Variants in ANKRD17 observed in about 807,000 individuals in gnomAD.
ANKRD17 encodes ankyrin repeat domain-containing protein 17.
Under a neutral mutation model 229.7 loss-of-function variants are expected in ANKRD17, and 19 were observed. That is an observed-to-expected ratio of 0.08 (90% confidence interval 0.06 to 0.12). The LOEUF is 0.12. Among genes scored for constraint, ANKRD17 ranks in the 10% least tolerant of loss-of-function variants. The pLI is 1.00. For synonymous variants in ANKRD17, 1,112 were observed against 1,146.1 expected (o/e 0.97, Z 0.60); for missense variants, 2,176 against 3,176.8 (o/e 0.68, Z 7.57).
intron 3 of ANKRD17, among the ~76,000 whole-genome samples, chr4:73,159,453 G>A (rs1006192585): frequency 1.1e-4 from 16 of 152,168 alleles, no homozygotes; most frequent in African/African-American, 2.7e-4. Flanking sequence ...ACTTGTGGGC[G>A]AAGGGCATAT....
Position 73,140,074 on chromosome 4 carries a change from T to C in ANKRD17, c.2542A>G (p.Ile848Val). The part of the protein sequence containing the change: ...AHADQLTKEK[I>V]EELNKTREEQ... ...TCCCTTGTTTTGTTGAGCTCCTCGATCTTCTCCTTGGTAAGTTGGTCAGCA... is the reference window on the plus strand; with the variant it reads ...TCCCTTGTTTTGTTGAGCTCCTCGACCTTCTCCTTGGTAAGTTGGTCAGCA... The change falls in exon 15 of 34, where the codon ATC (isoleucine) becomes GTC (valine). Residue 848 changes from isoleucine (I) to valine (V), a missense_variant. By Grantham distance (29) the Ile-to-Val change is conservative (BLOSUM62 3). This residue lies in a region of ANKRD17 where 275 missense variants were observed against 386.9 expected (regional missense o/e 0.71). Transcript: ENST00000358602. 1.2e-6 allele frequency: 2 copies of C among 1,614,228 alleles called. No individual in the cohort carries two copies. Among genetic ancestry groups the C allele is most frequent in the Non-Finnish European group, 1.7e-6 (2 of 1,180,046 alleles).
rs1282796628 is a variant in ANKRD17, at chr4:73,177,377, T to C, written c.547+3A>G. 1.4e-5 allele frequency: 23 copies of C among 1,606,590 alleles called. No homozygotes were observed. The highest frequency in any genetic ancestry group is 1.7e-5 in the Non-Finnish European group (20 of 1,175,226). ...TAGACTTATTACTATGTAGAGTACA[T>C]ACCTGCAGCTTCTAGTAAAGCTTCC... On this transcript the variant is annotated splice_donor_region_variant and intron_variant, in intron 2 of 33. Coordinates refer to ENST00000358602, the MANE Select transcript of ANKRD17 (RefSeq NM_032217.5).
At chr4:73,201,967 T>A (rs1056274927) in intron 1 of ANKRD17, among the ~76,000 whole-genome samples, 3 of 152,106 alleles carry the variant, frequency 2.0e-5, no homozygotes, top group Non-Finnish European at 4.4e-5. Context: ...TTCTATTGAG[T>A]ACATATTACA....
At chr4:73,207,526 A>G (rs1036191756) in intron 1 of ANKRD17, among the ~76,000 whole-genome samples, 6 of 152,200 alleles carry the variant, frequency 3.9e-5, no homozygotes, top group South Asian at 2.1e-4. Context: ...GCTGTCTACA[A>G]GAAACATACT....
rs576489396 is a variant in ANKRD17 at position 73,126,089 on chromosome 4, A to AG, written c.3235-778_3235-777insC. Among the ~76,000 whole-genome samples, 221 of 152,318 alleles carry AG rather than the reference A, an allele frequency of 1.5e-3. 1 individual carries two copies. In the South Asian group the frequency reaches 0.016, roughly 11 times the overall value. On this transcript the variant is annotated intron_variant, in intron 16 of 33. Coordinates refer to ENST00000358602, the MANE Select transcript of ANKRD17 (RefSeq NM_032217.5). ...TAGTGCAAGGAGCAAGTATCCAAACAACCTGGCAGTCTCCCCAACTTGAGA... is the reference window on the plus strand; with the variant it reads ...TAGTGCAAGGAGCAAGTATCCAAACAGACCTGGCAGTCTCCCCAACTTGAGA...
chr4:73,117,416 A>T (rs1446496864), intron 22 of ANKRD17, among the ~76,000 whole-genome samples: 1 of 152,226 alleles, frequency 6.6e-6, no homozygotes, highest in African/African-American at 2.4e-5. Flanking sequence ...GGGGAGACAC[A>T]GAAAGGTTCT....
Position 73,140,003 on chromosome 4 carries a change from T to C in ANKRD17, c.2613A>G (p.Lys871=), listed in dbSNP as rs1228093891. Residue 871 remains lysine, a synonymous_variant, in exon 15 of 34, where the codon AAA becomes AAG. Transcript: ENST00000358602. ...TTTTCAGTTGTAACTCTCGTTCTAC[T>C]TTCTGTAGTTCCTCCAAAATCTTTT... ...KKQKILEELQ[K]VERELQLKTQ... is the part of the protein sequence containing the mutation. The C allele has an allele frequency of 1.9e-6, 3 of 1,614,124 alleles. No individual in the cohort carries two copies. Among genetic ancestry groups the C allele is most frequent in the Non-Finnish European group, 2.5e-6 (3 of 1,180,046 alleles).
intron 1 of ANKRD17, among the ~76,000 whole-genome samples, chr4:73,248,405 C>A (rs1043099910): frequency 6.6e-6 from 1 of 152,040 alleles, no homozygotes; most frequent in South Asian, 2.1e-4. Flanking sequence ...AGGATTTATA[C>A]GGGGCTAAAA....
intron 29 of ANKRD17, among the ~76,000 whole-genome samples, chr4:73,085,725 T>C (rs1017965458): frequency 6.7e-6 from 1 of 149,422 alleles, no homozygotes; most frequent in Admixed American, 6.7e-5. Context: ...TGGTGGTTCA[T>C]GCCTATAATC....
intron 1 of ANKRD17, among the ~76,000 whole-genome samples, chr4:73,234,316 A>G (rs1261462437): frequency 2.6e-5 from 4 of 152,206 alleles, no homozygotes; most frequent in Admixed American, 6.5e-5. Context: ...TGCAACTATG[A>G]TTAAACATTA....
At chr4:73,087,615 G>C (rs1263923900) in intron 29 of ANKRD17, among the ~76,000 whole-genome samples, 1 of 152,156 alleles carries the variant, frequency 6.6e-6, no homozygotes, top group Non-Finnish European at 1.5e-5. Context: ...TTGAGTCTTG[G>C]ATCAAATGGC....
intron 23 of ANKRD17, among the ~76,000 whole-genome samples, chr4:73,114,944 G>A (rs16849172): frequency 0.13 from 20,363 of 152,128 alleles, 1,483 homozygotes; most frequent in South Asian, 0.19. Context: ...TCCAGGAGAA[G>A]GTCTCAATTA....
chr4:73,108,515 C>G (rs1724913990), intron 24 of ANKRD17, among the ~76,000 whole-genome samples: 1 of 152,092 alleles, frequency 6.6e-6, no homozygotes, highest in Non-Finnish European at 1.5e-5. Context: ...GACACAGGAA[C>G]ATCCAGACAG....
intron 22 of ANKRD17, among the ~76,000 whole-genome samples, chr4:73,118,120 C>G (rs970079158): frequency 4.6e-5 from 7 of 152,002 alleles, no homozygotes; most frequent in Admixed American, 1.3e-4. Context: ...AGGCTCAAGC[C>G]ATCCTCCTAT....
chr4:73,158,560 A>G (rs1560618929), intron 3 of ANKRD17, among the ~76,000 whole-genome samples: 1 of 129,776 alleles, frequency 7.7e-6, no homozygotes, highest in African/African-American at 2.6e-5. Context: ...TGACCACGCT[A>G]TTAAAAAATG....
chr4:73,238,320 T>G (rs1386204643), intron 1 of ANKRD17, among the ~76,000 whole-genome samples: 1 of 152,134 alleles, frequency 6.6e-6, no homozygotes, highest in African/African-American at 2.4e-5. Context: ...CAGCATGAAT[T>G]AAGAGGTATA....
chr4:73,145,190 A>G (rs1730103785), intron 10 of ANKRD17, among the ~76,000 whole-genome samples: 2 of 152,186 alleles, frequency 1.3e-5, no homozygotes, highest in African/African-American at 4.8e-5. Context: ...GTACTCTAGC[A>G]TGGCCTTCTC....
At position 73,147,352 on chromosome 4, in the gene ANKRD17, C is replaced by T; in HGVS notation, c.1648G>A (p.Ala550Thr). 6.2e-7 allele frequency: 1 copy of T among 1,609,842 alleles called. No homozygotes were observed. The highest frequency in any genetic ancestry group is 1.7e-4 in the Middle Eastern group (1 of 6,040). Residue 550 changes from alanine (A) to threonine (T), a missense_variant, in exon 9 of 34, where the codon GCA becomes ACA. Transcript: ENST00000358602. ...LACCGGFLEV[A>T]DFLIKAGADI... ...GCTCCTGCCTTAATTAGAAAGTCTG[C>T]CACTTCCAGAAAGCCTCCACAGCAA...
chr4:73,196,007 T>TC (rs1227185212), intron 1 of ANKRD17, among the ~76,000 whole-genome samples: 1 of 146,160 alleles, frequency 6.8e-6, no homozygotes, highest in East Asian at 2.0e-4. Context: ...CATGTTTCTT[T>TC]TTTTTTTTTT....
Sources: allele counts gnomAD v4.1 joint callset (sites outside exome capture counted in the v4.1 genomes callset), GRCh38; gene constraint gnomAD v4.1.1; regional missense constraint gnomAD v4.1.1; transcripts MANE v1.5; gene names NCBI Gene and HGNC (gene_info 2026-07-23, HGNC 2026-07-21).